PCDHAC1: variants seen among roughly 807,000 people sequenced by gnomAD.
PCDHAC1 encodes protocadherin alpha subfamily C, 1.
In PCDHAC1, 42 loss-of-function variants were observed where a neutral mutation model predicts 60.0. That is an observed-to-expected ratio of 0.70 (90% CI 0.55 to 0.90). The LOEUF (loss-of-function observed/expected upper bound fraction) is 0.90, where lower values mean the gene tolerates loss of function less well. Ranked by LOEUF, PCDHAC1 falls within the 40% of genes least tolerant of loss-of-function variation. The pLI, the probability that PCDHAC1 is intolerant of heterozygous loss-of-function variation, is 0.00. For synonymous variants in PCDHAC1, 468 were observed against 499.3 expected, an observed-to-expected ratio of 0.94 and a Z score of 0.84; for missense variants, 1,160 against 1,222.3, an observed-to-expected ratio of 0.95 and a Z score of 0.76.
At chr5:140,994,515 C>T (rs1450335712) in intron 3 of PCDHAC1, among the ~76,000 whole-genome samples, 1 of 150,120 alleles carries the variant, frequency 6.7e-6, no homozygotes, top group African/African-American at 2.5e-5. Flanking sequence ...ACAGCCTGGG[C>T]AACATGGCAA....
chr5:140,973,486 C>G (rs1404281642), intron 1 of PCDHAC1, among the ~76,000 whole-genome samples: 1 of 152,162 alleles, frequency 6.6e-6, no homozygotes, highest in African/African-American at 2.4e-5. Context: ...ATATTGGTCA[C>G]AGGACTCTTC....
At chr5:140,959,412 A>G (rs2153722176) in intron 1 of PCDHAC1, among the ~76,000 whole-genome samples, 1 of 152,256 alleles carries the variant, frequency 6.6e-6, no homozygotes, top group African/African-American at 2.4e-5. Context: ...GTGTTGATTG[A>G]TCTGAGAATT....
intron 1 of PCDHAC1, among the ~76,000 whole-genome samples, chr5:140,941,301 TTTC>T (rs1554214297): frequency 1.4e-5 from 2 of 143,748 alleles, no homozygotes; most frequent in African/African-American, 2.6e-5. Flanking sequence ...TCTTTCTTTC[TTTC>T]TTTTTCTTCT....
At chr5:140,967,649 T>C in intron 1 of PCDHAC1, 1 of 1,614,132 alleles carries the variant, frequency 6.2e-7, no homozygotes. Context: ...GCTCAGGTAC[T>C]CCTTGAGCAG....
rs1554205063 is a variant in PCDHAC1, at chr5:140,927,797, C to T, written c.905C>T (p.Pro302Leu). Reference protein sequence around the residue: ...EVQVAASLGPPETLLEAYIEA... With the variant: ...EVQVAASLGPLETLLEAYIEA... ...CAAGTAGCTGCTTCACTAGGTCCGC[C>T]TGAAACGCTCTTGGAGGCATACATT... Residue 302 changes from proline to leucine, a missense_variant, in exon 1 of 4, where the codon CCT becomes CTT. Pro to Leu is a moderately conservative substitution (Grantham distance 98, BLOSUM62 -3). Around this residue, in one of 3 missense-constraint regions of PCDHAC1, gnomAD observed 1,113 missense variants for 1,163.7 expected, o/e 0.96. Transcript: ENST00000253807. The T allele has an allele frequency of 6.2e-7, 1 of 1,614,196 alleles. No homozygotes were observed. Among genetic ancestry groups the T allele is most frequent in the Non-Finnish European group, 8.5e-7 (1 of 1,180,046 alleles).
At chr5:140,963,159 C>T (rs971538193) in intron 1 of PCDHAC1, among the ~76,000 whole-genome samples, 14 of 151,752 alleles carry the variant, frequency 9.2e-5, no homozygotes, top group Non-Finnish European at 1.9e-4. Flanking sequence ...AAAAATGACA[C>T]ATGCCATCTT....
In PCDHAC1 at chr5:140,978,971, G is replaced by C. The variant is rs782774245; in HGVS notation, c.2456G>C (p.Trp819Ser). Residue 819 changes from tryptophan (W) to serine (S), a missense_variant, in exon 2 of 4, where the codon TGG (tryptophan) becomes TCG (serine). Trp to Ser is a radical substitution (Grantham distance 177). Transcript: ENST00000253807. ...CAGCCACGACAGCCCAACCCTGACT[G>C]GCGTTACTCTGCCTCCCTGAGAGCA... is the stretch of plus-strand genomic sequence containing the variant. ...NAMPRQPNPD[W>S]RYSASLRAGM... 6.2e-7 allele frequency: 1 copy of C among 1,614,170 alleles called. No homozygotes were observed. The highest frequency in any genetic ancestry group is 2.2e-5 in the East Asian group (1 of 44,882).
Position 140,927,704 on chromosome 5 carries a change from C to T in PCDHAC1, c.812C>T (p.Ser271Phe), listed in dbSNP as rs782172290. ...GGGTCCAATGGGGAAGTCCAGTACT[C>T]CCTAAGCAACAGCACGCAAGCAGAG... ...DEGSNGEVQY[S>F]LSNSTQAELR... Residue 271 changes from serine (S) to phenylalanine (F), a missense_variant, in exon 1 of 4, where the codon TCC (serine) becomes TTC (phenylalanine). Coordinates refer to ENST00000253807, the MANE Select transcript of PCDHAC1 (RefSeq NM_018898.5). 6.2e-6 allele frequency: 10 copies of T among 1,614,072 alleles called. No homozygotes were observed. In the Admixed American group the frequency reaches 1.2e-4, roughly 19 times the overall value.
intron 1 of PCDHAC1, among the ~76,000 whole-genome samples, chr5:140,948,999 ATT>A (rs782571922): frequency 1.3e-5 from 2 of 151,708 alleles, no homozygotes; most frequent in Non-Finnish European, 3.0e-5. Flanking sequence ...CATTTTACTA[ATT>A]TTTATATGTG....
chr5:141,004,897 G>T (rs1455115465), intron 3 of PCDHAC1, among the ~76,000 whole-genome samples: 1 of 152,154 alleles, frequency 6.6e-6, no homozygotes, highest in Non-Finnish European at 1.5e-5. Context: ...TGTCAGCTCT[G>T]CCAGGGTGTA....
intron 1 of PCDHAC1, among the ~76,000 whole-genome samples, chr5:140,937,688 G>A (rs112584533): frequency 0.018 from 2,711 of 151,860 alleles, 77 homozygotes; most frequent in African/African-American, 0.063. Context: ...TGAGGCAGGC[G>A]GATCACGAGG....
Position 140,928,955 on chromosome 5 carries a change from T to A in PCDHAC1, c.2063T>A (p.Leu688Ter). 1 of 1,614,024 alleles carries A rather than the reference T, an allele frequency of 6.2e-7. No individual in the cohort carries two copies. Among genetic ancestry groups the A allele is most frequent in the Middle Eastern group, 1.6e-4 (1 of 6,062 alleles). The change falls in exon 1 of 4, where the codon TTG becomes TAG. Residue 688 changes from leucine (L) to a stop codon, truncating the protein, a stop_gained. Transcript: ENST00000253807. LOFTEE classifies it high-confidence loss of function. ...CAGAACTTGTATTTAGTAATTGCCT[T>A]GGCTTGTATTTCCTTTTTATTTCTG... is the stretch of plus-strand genomic sequence containing the variant. ...SAQNLYLVIA[L>*]ACISFLFLGC...
chr5:140,957,438 A>T (rs1554222966), intron 1 of PCDHAC1, among the ~76,000 whole-genome samples: 1 of 152,216 alleles, frequency 6.6e-6, no homozygotes, highest in Non-Finnish European at 1.5e-5. Context: ...TGCCTAATTT[A>T]TAAATCACAC....
rs1171497178 is a variant in PCDHAC1, at chr5:140,993,431, C to A, written c.2581+10868C>A. 2.7e-5 allele frequency among the ~76,000 whole-genome samples: 4 copies of A among 149,406 alleles called. No homozygotes were observed. The Admixed American group carries it at 2.7e-4, about 10-fold the overall frequency. On this transcript the variant is annotated intron_variant, in intron 3 of 3. Coordinates refer to ENST00000253807, the MANE Select transcript of PCDHAC1 (RefSeq NM_018898.5). ...TCATCAGCATTTCTCTTTTAAAATC[C>A]TTATTCATTCCTGTTCTCCTTCTTT...
rs1255699815 is a variant in PCDHAC1, at chr5:140,984,173, C to T, written c.2581+1610C>T. On this transcript the variant is annotated intron_variant, in intron 3 of 3. Transcript: ENST00000253807. The stretch of plus-strand genomic sequence containing the variant: ...AGGTGAGAACTTCCCAAAGAAGCCA[C>T]GTGAAATCATGACTTTCTACCTTGC... Among the ~76,000 whole-genome samples, 5 of 152,166 alleles carry T rather than the reference C, an allele frequency of 3.3e-5. No individual in the cohort carries two copies. The South Asian group carries it at 6.2e-4, about 19-fold the overall frequency.
At chr5:141,005,440 A>C (rs1174431656) in intron 3 of PCDHAC1, among the ~76,000 whole-genome samples, 3 of 152,112 alleles carry the variant, frequency 2.0e-5, no homozygotes, top group African/African-American at 7.2e-5. Flanking sequence ...TGAGAGGCTC[A>C]CGCCTGTAAT....
rs1252148937 is a variant in PCDHAC1 at position 141,009,582 on chromosome 5, G to T, written c.2582-45G>T. On this transcript the variant is annotated intron_variant, in intron 3 of 3. Coordinates refer to ENST00000253807, the MANE Select transcript of PCDHAC1 (RefSeq NM_018898.5). ...CTCTACCAGCAGTGTGGCATCAAGA[G>T]CATGTGTTGACCCTGTTAATGATTT... 16 of 1,590,108 alleles carry T rather than the reference G, an allele frequency of 1.0e-5. No homozygotes were observed. In the African/African-American group the frequency reaches 2.0e-4, roughly 20 times the overall value.
At chr5:140,976,232 G>C (rs2096707189) in intron 1 of PCDHAC1, among the ~76,000 whole-genome samples, 1 of 152,098 alleles carries the variant, frequency 6.6e-6, no homozygotes, top group Non-Finnish European at 1.5e-5. Flanking sequence ...AAAAATATAT[G>C]TCATTTCATG....
At chr5:140,987,565 T>C (rs1407426548) in intron 3 of PCDHAC1, among the ~76,000 whole-genome samples, 1 of 152,344 alleles carries the variant, frequency 6.6e-6, no homozygotes, top group East Asian at 1.9e-4. Flanking sequence ...TCTCAGTTTC[T>C]TTCTCTATAA....
Sources: allele counts gnomAD v4.1 joint callset (sites outside exome capture counted in the v4.1 genomes callset), GRCh38; gene constraint gnomAD v4.1.1; regional missense constraint gnomAD v4.1.1; transcripts MANE v1.5; gene names NCBI Gene and HGNC (gene_info 2026-07-23, HGNC 2026-07-21).